Variants in STX7 observed in about 807,000 individuals in gnomAD.
STX7 encodes syntaxin-7.
Under a neutral mutation model 39.6 loss-of-function variants are expected in STX7, and 34 were observed. That is an observed-to-expected ratio of 0.86 (90% confidence interval 0.65 to 1.14). STX7 has a LOEUF of 1.14. STX7 is among the 50% of genes most tolerant of loss of function. The pLI is 0.00. For synonymous variants in STX7, 119 were observed against 99.1 expected (o/e 1.20, Z -1.19); for missense variants, 284 against 310.4 (o/e 0.92, Z 0.64).
At chr6:132,511,144 C>T (rs1022673463) in intron 1 of STX7, among the ~76,000 whole-genome samples, 1 of 152,176 alleles carries the variant, frequency 6.6e-6, no homozygotes. Context: ...AAGTGCTTAA[C>T]AAACATTTGT....
intron 2 of STX7, among the ~76,000 whole-genome samples, chr6:132,481,176 G>GA (rs1336025917): frequency 6.6e-6 from 1 of 152,026 alleles, no homozygotes; most frequent in Non-Finnish European, 1.5e-5. Context: ...GCTTAGGTAT[G>GA]AAAAAAGGAG....
chr6:132,502,638 G>A (rs1029302616), intron 2 of STX7, among the ~76,000 whole-genome samples: 8 of 152,156 alleles, frequency 5.3e-5, no homozygotes, highest in African/African-American at 1.7e-4. Context: ...GGTGGCTCAC[G>A]CCTGTAATCC....
At chr6:132,501,922 C>T (rs9493337) in intron 2 of STX7, among the ~76,000 whole-genome samples, 3,353 of 151,804 alleles carry the variant, frequency 0.022, 107 homozygotes, top group African/African-American at 0.075. Context: ...TGGCCACCAT[C>T]AGAACAGATC....
At chr6:132,469,548 TTTCTCTGGGC>T (rs1774657196) in intron 7 of STX7, among the ~76,000 whole-genome samples, 1 of 152,200 alleles carries the variant, frequency 6.6e-6, no homozygotes. Context: ...ATTAATTTTC[TTTCTCTGGGC>T]CAGACATGGT....
intron 2 of STX7, among the ~76,000 whole-genome samples, chr6:132,491,261 A>C (rs1775278037): frequency 6.6e-6 from 1 of 151,284 alleles, no homozygotes; most frequent in Non-Finnish European, 1.5e-5. Context: ...CAAAATACCC[A>C]CAGGATTAAA....
chr6:132,491,532 G>T (rs1279868684), intron 2 of STX7, among the ~76,000 whole-genome samples: 1 of 152,076 alleles, frequency 6.6e-6, no homozygotes, highest in East Asian at 1.9e-4. Flanking sequence ...ACTCTTCATT[G>T]GTTGTAGTTT....
chr6:132,467,404 C>T (rs565936340), intron 8 of STX7, among the ~76,000 whole-genome samples: 2 of 152,256 alleles, frequency 1.3e-5, no homozygotes, highest in South Asian at 4.1e-4. Context: ...GCAACAATTT[C>T]CACCCCTAGC....
intron 2 of STX7, among the ~76,000 whole-genome samples, chr6:132,488,289 GA>G (rs1276764772): frequency 1.3e-5 from 2 of 152,102 alleles, no homozygotes; most frequent in African/African-American, 4.8e-5. Context: ...TGAAACTCTT[GA>G]TTAATGACAG....
Position 132,450,129 on chromosome 6 carries a change from T to C in STX7, c.*10629A>G, listed in dbSNP as rs1188832283. ...TTTAATTTTAGCCCACTCTCATTGG[T>C]AATAGCCTTTAGTGATTATCTTTCT... On this transcript the variant is annotated 3_prime_UTR_variant, in exon 10 of 10. Coordinates refer to ENST00000367941, the MANE Select transcript of STX7 (RefSeq NM_003569.3). 1.3e-5 allele frequency: 2 copies of C among 152,170 alleles called. No individual in the cohort carries two copies. Among genetic ancestry groups the C allele is most frequent in the Non-Finnish European group, 2.9e-5 (2 of 68,020 alleles). The allele number at this position is 152,170 out of a possible 1,614,324, so 9.4% of individuals were successfully genotyped here. A position where few individuals can be genotyped will look rare whatever the true frequency, so the allele number is the denominator to read the frequency against.
chr6:132,511,268 G>A (rs560838992), intron 1 of STX7, among the ~76,000 whole-genome samples: 1 of 152,182 alleles, frequency 6.6e-6, no homozygotes, highest in Non-Finnish European at 1.5e-5. Context: ...AAGGTCCCAG[G>A]CTTCTTGCTG....
chr6:132,507,729 T>G (rs1047566731), intron 1 of STX7, among the ~76,000 whole-genome samples: 1 of 152,256 alleles, frequency 6.6e-6, no homozygotes, highest in Admixed American at 6.5e-5. Flanking sequence ...CTTGGTTCAA[T>G]GACATCTTCC....
Position 132,455,355 on chromosome 6 carries a change from C to T in STX7, c.*5403G>A, listed in dbSNP as rs2114328733. ...CTAAATAACTGCATTTATAAGCTTT[C>T]TACCAATGCTATTAGGTGTTGGAGT... On this transcript the variant is annotated 3_prime_UTR_variant, in exon 10 of 10. Transcript: ENST00000367941. The T allele has an allele frequency of 6.6e-6, 1 of 152,306 alleles. No homozygotes were observed. Among genetic ancestry groups the T allele is most frequent in the South Asian group, 2.1e-4 (1 of 4,830 alleles). 9.4% of individuals were successfully genotyped at this position (152,306 alleles called of 1,614,324 possible).
chr6:132,477,796 T>C (rs1050083150), intron 2 of STX7, among the ~76,000 whole-genome samples: 1 of 152,162 alleles, frequency 6.6e-6, no homozygotes, highest in African/African-American at 2.4e-5. Flanking sequence ...AGACAGTAAC[T>C]GCAGGTTATG....
In STX7 at chr6:132,456,930, G is replaced by T. The variant is rs1411044222; in HGVS notation, c.*3828C>A. 1 of 152,320 alleles carries T rather than the reference G, an allele frequency of 6.6e-6. No homozygotes were observed. The highest frequency in any genetic ancestry group is 1.5e-5 in the Non-Finnish European group (1 of 68,098). 9.4% of individuals were successfully genotyped at this position (152,320 alleles called of 1,614,324 possible). A position where few individuals can be genotyped will look rare whatever the true frequency, so the allele number is the denominator to read the frequency against. On this transcript the variant is annotated 3_prime_UTR_variant, in exon 10 of 10. Coordinates refer to ENST00000367941, the MANE Select transcript of STX7 (RefSeq NM_003569.3). ...TCCTCAGAGGCCACTGCAGACAGAAGTGTAGGCGGGCAGAGGACATGAGTT... is the reference window on the plus strand; with the variant it reads ...TCCTCAGAGGCCACTGCAGACAGAATTGTAGGCGGGCAGAGGACATGAGTT...
intron 2 of STX7, among the ~76,000 whole-genome samples, chr6:132,489,145 G>A (rs889800682): frequency 2.7e-5 from 4 of 145,870 alleles, no homozygotes; most frequent in African/African-American, 1.0e-4. Context: ...AGGTTGCAGT[G>A]AGCCAAGATT....
chr6:132,479,076 C>T (rs1467839589), intron 2 of STX7, among the ~76,000 whole-genome samples: 1 of 152,160 alleles, frequency 6.6e-6, no homozygotes, highest in Admixed American at 6.5e-5. Context: ...CATGAAAATA[C>T]AGGGCAGTGT....
At chr6:132,475,546 C>T (rs776865142) in intron 3 of STX7, 47 bp downstream of exon 3, 41 of 1,312,034 alleles carry the variant, frequency 3.1e-5, no homozygotes, top group Non-Finnish European at 4.3e-5. Flanking sequence ...AGAATAATAG[C>T]AATAGAGTTT....
chr6:132,467,239 A>T (rs1774586229), intron 8 of STX7, among the ~76,000 whole-genome samples: 1 of 152,154 alleles, frequency 6.6e-6, no homozygotes, highest in African/African-American at 2.4e-5. Context: ...GCTCATTAAA[A>T]ATGTCAGGTA....
chr6:132,446,186 T>A lies in STX7; in HGVS notation c.*14572A>T, dbSNP rs1774007861. On this transcript the variant is annotated 3_prime_UTR_variant, in exon 10 of 10. Coordinates refer to ENST00000367941, the MANE Select transcript of STX7 (RefSeq NM_003569.3). ...CGAAGCTCAATAGCAACACTGTTCA[T>A]CCATGGTTCAATTCAGATTGTAATT... 1 of 152,238 alleles carries A rather than the reference T, an allele frequency of 6.6e-6. No individual in the cohort carries two copies. The highest frequency in any genetic ancestry group is 2.4e-5 in the African/African-American group (1 of 41,462). 9.4% of individuals were successfully genotyped at this position (152,238 alleles called of 1,614,324 possible). A position where few individuals can be genotyped will look rare whatever the true frequency, so the allele number is the denominator to read the frequency against.
Sources: gnomAD v4.1 joint callset for allele counts (sites outside exome capture counted in the v4.1 genomes callset) on GRCh38, gnomAD v4.1.1 for gene constraint, MANE v1.5 for transcripts, NCBI Gene and HGNC (gene_info 2026-07-23, HGNC 2026-07-21) for gene names.